Variants in SRPK2 observed in about 807,000 individuals in gnomAD.
The protein encoded by SRPK2 is SRSF protein kinase 2.
In SRPK2, 21 loss-of-function variants were observed where a neutral mutation model predicts 90.8. The observed-to-expected ratio is 0.23, with a 90% CI of 0.16 to 0.33. The LOEUF (loss-of-function observed/expected upper bound fraction) is 0.33. Among genes scored for constraint, SRPK2 ranks in the 10% least tolerant of loss-of-function variants. The pLI, the probability that SRPK2 is intolerant of heterozygous loss-of-function variation, is 1.00. For missense variants in SRPK2, 620 were observed against 869.0 expected, an observed-to-expected ratio of 0.71 and a Z score of 3.60; for synonymous variants, 288 against 311.1, an observed-to-expected ratio of 0.93 and a Z score of 0.78.
Position 105,174,827 on chromosome 7 carries a change from C to G in SRPK2, c.230-5562G>C, listed in dbSNP as rs577907001. On this transcript the variant is annotated intron_variant, in intron 3 of 15. Transcript: ENST00000393651. ...TTACCAAGATATATAATGTACTAGA[C>G]CATAAAACAAGTCTCAATAGAAATA... Among the ~76,000 whole-genome samples, 14 of 152,140 alleles carry G rather than the reference C, an allele frequency of 9.2e-5. No individual in the cohort carries two copies. In the South Asian group the frequency reaches 2.7e-3, roughly 29 times the overall value.
intron 2 of SRPK2, among the ~76,000 whole-genome samples, chr7:105,223,025 A>G (rs1395041378): frequency 2.0e-5 from 3 of 152,150 alleles, no homozygotes; most frequent in African/African-American, 7.2e-5. Context: ...TACTGAGACA[A>G]TTACTCTTTG....
chr7:105,349,581 A>G (rs1816912813), intron 2 of SRPK2, among the ~76,000 whole-genome samples: 2 of 151,950 alleles, frequency 1.3e-5, no homozygotes, highest in South Asian at 4.2e-4. Context: ...GCATTAAAGT[A>G]CAACCACACC....
chr7:105,391,243 T>G (rs1158377662), upstream of SRPK2, among the ~76,000 whole-genome samples: 1 of 151,842 alleles, frequency 6.6e-6, no homozygotes, highest in Non-Finnish European at 1.5e-5. Context: ...TTCGCTCTTG[T>G]TGCCCAGGCT....
rs1271108449 is a variant in SRPK2, at chr7:105,290,506, A to G, written c.72-86721T>C. Among the ~76,000 whole-genome samples the G allele has an allele frequency of 2.0e-5, 3 of 152,050 alleles. 1 individual carries two copies. The highest frequency in any genetic ancestry group is 7.3e-5 in the African/African-American group (3 of 41,368). On this transcript the variant is annotated intron_variant, in intron 2 of 15. Coordinates refer to ENST00000393651, the MANE Select transcript of SRPK2 (RefSeq NM_182692.3). ...GAGCAAGACCTTGTCTCAAAAAAAC[A>G]AACAAAAACAAAAACCACAATATTA...
chr7:105,137,765 G>C (rs1803085786), intron 11 of SRPK2, among the ~76,000 whole-genome samples: 1 of 152,092 alleles, frequency 6.6e-6, no homozygotes, highest in Non-Finnish European at 1.5e-5. Context: ...TCCTCAAACT[G>C]GCCCCAGTCT....
At chr7:105,344,010 C>T (rs564319761) in intron 2 of SRPK2, among the ~76,000 whole-genome samples, 74 of 152,240 alleles carry the variant, frequency 4.9e-4, no homozygotes, top group East Asian at 1.2e-3. Context: ...GTGATCCACC[C>T]GACTCAGCCT....
At chr7:105,250,725 C>T (rs1298334051) in intron 2 of SRPK2, among the ~76,000 whole-genome samples, 1 of 152,180 alleles carries the variant, frequency 6.6e-6, no homozygotes, top group Non-Finnish European at 1.5e-5. Flanking sequence ...GATCTAAAAG[C>T]TCTTCTCCAA....
intron 11 of SRPK2, among the ~76,000 whole-genome samples, chr7:105,136,058 C>T (rs1479080493): frequency 6.6e-6 from 1 of 152,208 alleles, no homozygotes; most frequent in Non-Finnish European, 1.5e-5. Flanking sequence ...AGCCACCGCA[C>T]CTGGCCTAAA....
intron 15 of SRPK2, among the ~76,000 whole-genome samples, chr7:105,119,576 G>A (rs1008250708): frequency 2.0e-5 from 3 of 152,202 alleles, no homozygotes; most frequent in East Asian, 1.9e-4. Context: ...TATGAGGACT[G>A]GAGCTAGAGT....
chr7:105,138,812 T>C (rs912464052), intron 11 of SRPK2, among the ~76,000 whole-genome samples: 3 of 152,130 alleles, frequency 2.0e-5, no homozygotes, highest in African/African-American at 7.2e-5. Flanking sequence ...ATAATAATAA[T>C]ATAAAATTAG....
At chr7:105,257,110 C>A (rs560115102) in intron 2 of SRPK2, among the ~76,000 whole-genome samples, 2 of 152,286 alleles carry the variant, frequency 1.3e-5, no homozygotes, top group East Asian at 3.9e-4. Context: ...CTGTACAAAA[C>A]CTACATTTCT....
intron 7 of SRPK2, among the ~76,000 whole-genome samples, chr7:105,154,560 G>A (rs547888976): frequency 3.3e-5 from 5 of 152,288 alleles, no homozygotes; most frequent in South Asian, 2.1e-4. Flanking sequence ...GGGCACCACC[G>A]TGGCTCTCGG....
rs1410452681 is a variant in SRPK2, at chr7:105,240,282, T to C, written c.72-36497A>G. On this transcript the variant is annotated intron_variant, in intron 2 of 15. Transcript: ENST00000393651. ...TGAGAGCTATGTGTTGGTGATCTAA[T>C]TGTCTCTCCCAAAAGCCTCACCTCC... Among the ~76,000 whole-genome samples the C allele has an allele frequency of 7.2e-5, 11 of 152,268 alleles. No homozygotes were observed. The East Asian group carries it at 7.7e-4, about 11-fold the overall frequency.
intron 2 of SRPK2, among the ~76,000 whole-genome samples, chr7:105,277,126 G>A (rs1806619581): frequency 1.3e-5 from 2 of 151,918 alleles, no homozygotes; most frequent in Admixed American, 6.6e-5. Flanking sequence ...GCCCAGGCTG[G>A]AGTGCAGTGG....
chr7:105,284,676 A>G (rs1807823497), intron 2 of SRPK2, among the ~76,000 whole-genome samples: 1 of 152,190 alleles, frequency 6.6e-6, no homozygotes. Context: ...AGCTTTGCCA[A>G]TTATCACTTC....
intron 2 of SRPK2, among the ~76,000 whole-genome samples, chr7:105,327,827 G>C (rs1337387589): frequency 1.3e-5 from 2 of 152,218 alleles, no homozygotes; most frequent in Non-Finnish European, 2.9e-5. Flanking sequence ...TTGAGACGGA[G>C]TCTCGCTCTG....
chr7:105,181,957 G>A (rs1390018882), intron 3 of SRPK2, among the ~76,000 whole-genome samples: 5 of 151,162 alleles, frequency 3.3e-5, no homozygotes, highest in African/African-American at 9.7e-5. Context: ...GGCCAGGCGC[G>A]GGGGCTCACG....
intron 15 of SRPK2, among the ~76,000 whole-genome samples, chr7:105,124,567 G>A (rs1800863838): frequency 6.9e-6 from 1 of 143,942 alleles, no homozygotes; most frequent in South Asian, 2.2e-4. Context: ...CTTGAAGCCT[G>A]GAGGCGGAAG....
At chr7:105,161,593 C>G (rs1807671424) in intron 6 of SRPK2, among the ~76,000 whole-genome samples, 1 of 152,166 alleles carries the variant, frequency 6.6e-6, no homozygotes, top group African/African-American at 2.4e-5. Flanking sequence ...CCCATCTCAG[C>G]ACACTCCCTG....
Sources: gnomAD v4.1 joint callset for allele counts (sites outside exome capture counted in the v4.1 genomes callset) on GRCh38, gnomAD v4.1.1 for gene constraint, MANE v1.5 for transcripts, NCBI Gene and HGNC (gene_info 2026-07-23, HGNC 2026-07-21) for gene names.